ZNF148: variants seen among roughly 807,000 people sequenced by gnomAD.
ZNF148 encodes the protein zinc finger protein 148, also known as Beta-Enolase Repressor Factor-1.
A neutral mutation model predicts 67.7 loss-of-function variants in ZNF148; 7 were observed. The observed-to-expected ratio is 0.10, with a 90% confidence interval of 0.06 to 0.19. ZNF148 has a LOEUF of 0.19. Ranked by LOEUF, ZNF148 falls within the 10% of genes least tolerant of loss-of-function variation. The pLI is 1.00. For synonymous variants in ZNF148, 333 were observed against 330.7 expected (o/e 1.01, Z -0.08); for missense variants, 583 against 947.1 (o/e 0.62, Z 5.05).
intron 7 of ZNF148, among the ~76,000 whole-genome samples, chr3:125,249,787 G>A (rs1164493275): frequency 6.6e-6 from 1 of 152,108 alleles, no homozygotes; most frequent in Non-Finnish European, 1.5e-5. Context: ...TCTGTCAATG[G>A]ATGAATGGAT....
intron 1 of ZNF148, among the ~76,000 whole-genome samples, chr3:125,353,152 A>C (rs530288920): frequency 6.6e-6 from 1 of 152,352 alleles, no homozygotes; most frequent in Non-Finnish European, 1.5e-5. Flanking sequence ...CAACATACTA[A>C]AAGTTCTTTA....
chr3:125,337,535 G>A (rs1282627962), intron 1 of ZNF148, among the ~76,000 whole-genome samples: 1 of 152,078 alleles, frequency 6.6e-6, no homozygotes, highest in Non-Finnish European at 1.5e-5. Context: ...CATTAATTTT[G>A]TAAATAATCA....
At position 125,229,333 on chromosome 3, in the gene ZNF148, C is replaced by G. The variant is rs942830366; in HGVS notation, c.*3008G>C. The G allele has an allele frequency of 6.6e-6, 1 of 151,854 alleles. No homozygotes were observed. The highest frequency in any genetic ancestry group is 1.5e-5 in the Non-Finnish European group (1 of 67,990). 9.4% of individuals were successfully genotyped at this position (151,854 alleles called of 1,614,324 possible). ...TGTGGAAACGAAATCCTGCCCTGAGCACAATTCTTGACATAACTGCCTTCT... is the reference window on the plus strand; with the variant it reads ...TGTGGAAACGAAATCCTGCCCTGAGGACAATTCTTGACATAACTGCCTTCT... On this transcript the variant is annotated 3_prime_UTR_variant, in exon 9 of 9. Coordinates refer to ENST00000360647, the MANE Select transcript of ZNF148 (RefSeq NM_021964.3).
chr3:125,254,696 A>T (rs1936992846), intron 7 of ZNF148, among the ~76,000 whole-genome samples: 1 of 149,582 alleles, frequency 6.7e-6, no homozygotes. Context: ...CATACACTGC[A>T]TTTTTTTTTC....
intron 1 of ZNF148, among the ~76,000 whole-genome samples, chr3:125,354,211 T>C (rs113247547): frequency 2.4e-3 from 364 of 152,212 alleles, no homozygotes; most frequent in African/African-American, 8.5e-3. Flanking sequence ...ATGTCATATA[T>C]AAATTTTTAA....
chr3:125,354,255 G>T (rs35452665), intron 1 of ZNF148, among the ~76,000 whole-genome samples: 5,332 of 152,066 alleles, frequency 0.035, 146 homozygotes, highest in South Asian at 0.085. Context: ...TTTTGGAGAT[G>T]TTCACTGCTC....
At chr3:125,297,603 T>A (rs892088056) in intron 4 of ZNF148, among the ~76,000 whole-genome samples, 1 of 151,330 alleles carries the variant, frequency 6.6e-6, no homozygotes, top group African/African-American at 2.5e-5. Flanking sequence ...GATGAACATC[T>A]ACCTTACTAA....
chr3:125,297,936 C>T (rs182365551), intron 4 of ZNF148, among the ~76,000 whole-genome samples: 1 of 152,080 alleles, frequency 6.6e-6, no homozygotes, highest in Non-Finnish European at 1.5e-5. Flanking sequence ...CACTTAATAC[C>T]AAACATCTAG....
At chr3:125,234,455 T>C in intron 7 of ZNF148, 126 bp from the exon 8 acceptor site, 3 of 673,760 alleles carry the variant, frequency 4.5e-6, no homozygotes, top group Admixed American at 2.7e-5. Flanking sequence ...TTGTCAAATA[T>C]ATTTTGCTTT....
chr3:125,328,446 T>C (rs1382578754), intron 2 of ZNF148, among the ~76,000 whole-genome samples: 1 of 152,058 alleles, frequency 6.6e-6, no homozygotes, highest in Admixed American at 6.5e-5. Context: ...ATACTCTAAT[T>C]AGCCAGATTT....
At chr3:125,345,452 T>C (rs768008741) in intron 1 of ZNF148, among the ~76,000 whole-genome samples, 15 of 151,702 alleles carry the variant, frequency 9.9e-5, no homozygotes, top group Non-Finnish European at 1.5e-4. Context: ...AGTAATTGAA[T>C]TACCAAAAGA....
intron 6 of ZNF148, among the ~76,000 whole-genome samples, chr3:125,278,889 T>C (rs1001563028): frequency 4.6e-5 from 7 of 152,184 alleles, no homozygotes; most frequent in African/African-American, 1.7e-4. Flanking sequence ...ATGGAGCACA[T>C]TAAGCCAAAC....
intron 7 of ZNF148, among the ~76,000 whole-genome samples, chr3:125,235,103 AG>A (rs1936027030): frequency 6.6e-6 from 1 of 152,204 alleles, no homozygotes; most frequent in Non-Finnish European, 1.5e-5. Context: ...AGTAAACAGA[AG>A]GGTATGACAA....
At chr3:125,297,240 G>A (rs1022127092) in intron 4 of ZNF148, among the ~76,000 whole-genome samples, 8 of 152,010 alleles carry the variant, frequency 5.3e-5, no homozygotes, top group African/African-American at 1.7e-4. Flanking sequence ...AAAGAAACCA[G>A]AACTATCAAC....
intron 1 of ZNF148, among the ~76,000 whole-genome samples, chr3:125,358,336 G>A (rs1267644941): frequency 4.6e-5 from 7 of 151,920 alleles, no homozygotes. Context: ...AAAAAAAAAA[G>A]CTTCATAAAT....
rs945206285 is a variant in ZNF148, at chr3:125,227,693, T to C, written c.*4648A>G. The C allele has an allele frequency of 9.2e-5, 14 of 152,612 alleles. No homozygotes were observed. Among genetic ancestry groups the C allele is most frequent in the African/African-American group, 3.4e-4 (14 of 41,450 alleles). The allele number at this position is 152,612 out of a possible 1,614,324, so 9.5% of individuals were successfully genotyped here. On this transcript the variant is annotated 3_prime_UTR_variant, in exon 9 of 9. Coordinates refer to ENST00000360647, the MANE Select transcript of ZNF148 (RefSeq NM_021964.3). ...CAATGAAAAATTTCCCCCATATTGT[T>C]GCAAAATTCTTTCTACTGAAATGCT...
chr3:125,332,215 T>TTG (rs1941319055), intron 1 of ZNF148, among the ~76,000 whole-genome samples: 1 of 152,304 alleles, frequency 6.6e-6, no homozygotes, highest in African/African-American at 2.4e-5. Context: ...GTCAGTAGCT[T>TTG]TGTTATTGAG....
chr3:125,263,498 C>G (rs1297732495), intron 7 of ZNF148, among the ~76,000 whole-genome samples: 1 of 151,584 alleles, frequency 6.6e-6, no homozygotes, highest in Non-Finnish European at 1.5e-5. Flanking sequence ...TTGCAGTGAG[C>G]CAAGATTGTG....
chr3:125,233,805 T>G lies in ZNF148; in HGVS notation c.921A>C (p.Pro307=). ...TCTTTTTTGGCAGTGAGTTGTCTTT[T>G]GGTGATGTAGAAAAGCCAGAATCTT... ...SEEDSGFSTS[P]KDNSLPKKKR... Residue 307 remains proline (P), a synonymous_variant, in exon 9 of 9, where the codon CCA becomes CCC. Transcript: ENST00000360647. The surrounding 1 kb of genome is among the most constrained non-coding windows in gnomAD (Gnocchi z 5.1). 6.2e-7 allele frequency: 1 copy of G among 1,613,922 alleles called. No homozygotes were observed. Among genetic ancestry groups the G allele is most frequent in the Non-Finnish European group, 8.5e-7 (1 of 1,179,904 alleles).
Sources: gnomAD v4.1 joint callset for allele counts (sites outside exome capture counted in the v4.1 genomes callset) on GRCh38, gnomAD v4.1.1 for gene constraint, Gnocchi (gnomAD v3.1) non-coding constraint, MANE v1.5 for transcripts, NCBI Gene and HGNC (gene_info 2026-07-23, HGNC 2026-07-21) for gene names.